Variants in TENM4 observed in about 807,000 individuals in gnomAD.
TENM4 encodes teneurin transmembrane protein 4.
TENM4 carries 82 observed loss-of-function variants against 243.3 expected under a neutral mutation model. That is an observed-to-expected ratio of 0.34 (90% CI 0.28 to 0.40). TENM4 has a LOEUF of 0.40. TENM4 is among the 10% of genes least tolerant of loss of function. The pLI is 1.00. For missense variants in TENM4, 3,138 were observed against 3,673.3 expected, an observed-to-expected ratio of 0.85 and a Z score of 3.77; for synonymous variants, 1,412 against 1,456.3, an observed-to-expected ratio of 0.97 and a Z score of 0.69.
At chr11:78,901,385 T>C (rs1269040470) in intron 7 of TENM4, among the ~76,000 whole-genome samples, 2 of 152,128 alleles carry the variant, frequency 1.3e-5, no homozygotes, top group Non-Finnish European at 1.5e-5. Flanking sequence ...AAAAGCTGCA[T>C]GTGTTTGAGC....
intron 6 of TENM4, among the ~76,000 whole-genome samples, chr11:78,982,222 G>A (rs1261847647): frequency 6.6e-6 from 1 of 152,128 alleles, no homozygotes; most frequent in African/African-American, 2.4e-5. Flanking sequence ...CCATGTGCCA[G>A]GCACTGGGAC....
chr11:78,981,040 T>G (rs1307109278), intron 6 of TENM4, among the ~76,000 whole-genome samples: 1 of 152,102 alleles, frequency 6.6e-6, no homozygotes, highest in Admixed American at 6.5e-5. Flanking sequence ...CACAATAATC[T>G]CTCCCCCATG....
At chr11:78,756,295 A>T (rs1362020788) in intron 19 of TENM4, 1 of 175,390 alleles carries the variant, frequency 5.7e-6, no homozygotes, top group East Asian at 1.6e-4. Flanking sequence ...CAACTCTGCA[A>T]TCCCAGCAAA....
chr11:79,197,711 G>T (rs545250793), intron 3 of TENM4, among the ~76,000 whole-genome samples: 1 of 152,196 alleles, frequency 6.6e-6, no homozygotes, highest in Non-Finnish European at 1.5e-5. Flanking sequence ...AAATAAGTTA[G>T]CAATTTTGGA....
intron 3 of TENM4, among the ~76,000 whole-genome samples, chr11:79,150,165 T>C (rs1862476275): frequency 6.6e-6 from 1 of 152,072 alleles, no homozygotes; most frequent in Non-Finnish European, 1.5e-5. Context: ...TTCAAATCCA[T>C]CCTTGTTATG....
rs201663167 is a variant in TENM4 at position 78,669,991 on chromosome 11, C to T, written c.6354G>A (p.Glu2118=). 1,518 of 1,613,914 alleles carry T rather than the reference C, an allele frequency of 9.4e-4. 1 individual carries two copies. Among genetic ancestry groups the T allele is most frequent in the Non-Finnish European group, 1.2e-3 (1,397 of 1,179,872 alleles). ...YRYDDVSGKT[E]QFGKFGVIYY... is the part of the protein sequence containing the mutation. ...AAATGACACCAAACTTCCCAAACTG[C>T]TCTGTCTTGCCTGACACATCATCAT... The change falls in exon 32 of 34, where the codon GAG becomes GAA. Residue 2118 remains glutamate (E), a synonymous_variant. Coordinates refer to ENST00000278550, the MANE Select transcript of TENM4 (RefSeq NM_001098816.3). The surrounding 1 kb of genome is among the most constrained non-coding windows in gnomAD (Gnocchi z 6.4).
intron 1 of TENM4, among the ~76,000 whole-genome samples, chr11:79,420,026 G>A (rs1858897403): frequency 6.6e-6 from 1 of 152,124 alleles, no homozygotes; most frequent in Non-Finnish European, 1.5e-5. Context: ...TTCCCTTAAT[G>A]GAATAAGACA....
intron 1 of TENM4, among the ~76,000 whole-genome samples, chr11:79,333,113 C>T (rs2135447793): frequency 6.6e-6 from 1 of 152,110 alleles, no homozygotes; most frequent in East Asian, 1.9e-4. Context: ...AGCAGTCTTC[C>T]CTATCCCCAT....
intron 12 of TENM4, among the ~76,000 whole-genome samples, chr11:78,834,166 C>G (rs1858044495): frequency 6.6e-6 from 1 of 152,102 alleles, no homozygotes; most frequent in African/African-American, 2.4e-5. Flanking sequence ...ATCTTTCAAC[C>G]CATTTATGGG....
At chr11:79,419,775 C>G (rs1007014272) in intron 1 of TENM4, among the ~76,000 whole-genome samples, 1 of 152,182 alleles carries the variant, frequency 6.6e-6, no homozygotes, top group African/African-American at 2.4e-5. Flanking sequence ...CATCTCCACT[C>G]CTTGGCCTGA....
At chr11:78,866,648 C>A (rs996023678) in intron 9 of TENM4, among the ~76,000 whole-genome samples, 1 of 152,076 alleles carries the variant, frequency 6.6e-6, no homozygotes, top group African/African-American at 2.4e-5. Flanking sequence ...CTCCACTGTA[C>A]CCCCCTGGCA....
intron 1 of TENM4, among the ~76,000 whole-genome samples, chr11:79,298,843 C>G (rs138807346): frequency 6.6e-6 from 1 of 152,294 alleles, no homozygotes; most frequent in African/African-American, 2.4e-5. Context: ...CTATCATTTA[C>G]TAATTTTTCC....
At chr11:79,024,340 G>A (rs1859018109) in intron 6 of TENM4, among the ~76,000 whole-genome samples, 1 of 152,118 alleles carries the variant, frequency 6.6e-6, no homozygotes, top group Non-Finnish European at 1.5e-5. Flanking sequence ...TTTACAGTTT[G>A]CTCAACTATT....
intron 3 of TENM4, among the ~76,000 whole-genome samples, chr11:79,177,487 C>T (rs1863187614): frequency 6.6e-6 from 1 of 151,998 alleles, no homozygotes; most frequent in African/African-American, 2.4e-5. Flanking sequence ...TATTGCTCTA[C>T]ATTCAGGGAT....
intron 4 of TENM4, among the ~76,000 whole-genome samples, chr11:79,136,443 A>G (rs148579609): frequency 0.024 from 3,624 of 152,250 alleles, 104 homozygotes; most frequent in East Asian, 0.073. Flanking sequence ...GAGGTTATGC[A>G]TGAGCTCAGC....
intron 3 of TENM4, among the ~76,000 whole-genome samples, chr11:79,163,967 CTATA>C (rs1218684129): frequency 7.5e-6 from 1 of 133,160 alleles, no homozygotes; most frequent in Non-Finnish European, 1.5e-5. Flanking sequence ...ATCTATATAT[CTATA>C]TATAGTGTAT....
intron 2 of TENM4, among the ~76,000 whole-genome samples, chr11:79,252,484 G>A (rs569892604): frequency 1.4e-4 from 21 of 152,200 alleles, no homozygotes; most frequent in Non-Finnish European, 2.4e-4. Flanking sequence ...TGATCCGCCC[G>A]CCTCGGCCTC....
At chr11:78,729,717 A>T in intron 21 of TENM4, 74 bp from the exon 22 acceptor site, 1 of 1,522,762 alleles carries the variant, frequency 6.6e-7, no homozygotes, top group Admixed American at 2.0e-5. Context: ...GCGTGGCCCC[A>T]TGGACTCTGG....
At chr11:79,131,634 A>G (rs1308329536) in intron 4 of TENM4, among the ~76,000 whole-genome samples, 1 of 152,176 alleles carries the variant, frequency 6.6e-6, no homozygotes, top group Non-Finnish European at 1.5e-5. Context: ...AAAAGCAAAA[A>G]CAAAAAACAA....
Sources: gnomAD v4.1 joint callset for allele counts (sites outside exome capture counted in the v4.1 genomes callset) on GRCh38, gnomAD v4.1.1 for gene constraint, Gnocchi (gnomAD v3.1) non-coding constraint, MANE v1.5 for transcripts, NCBI Gene and HGNC (gene_info 2026-07-23, HGNC 2026-07-21) for gene names.